Variants in EEF2K observed in about 807,000 individuals in gnomAD.
The protein encoded by EEF2K is eukaryotic elongation factor 2 kinase.
Under a neutral mutation model 93.8 loss-of-function variants are expected in EEF2K, and 70 were observed. That is an observed-to-expected ratio of 0.75 (90% CI 0.62 to 0.91). The LOEUF (loss-of-function observed/expected upper bound fraction) is 0.91, where lower values mean the gene tolerates loss of function less well. Ranked by LOEUF, EEF2K falls within the 40% of genes least tolerant of loss-of-function variation. The probability of loss-of-function intolerance (pLI) is 0.00; values close to 1 mark genes in which losing one functional copy is unlikely to be tolerated. For synonymous variants in EEF2K, 376 were observed against 380.8 expected, an observed-to-expected ratio of 0.99 and a Z score of 0.15; for missense variants, 935 against 972.9, an observed-to-expected ratio of 0.96 and a Z score of 0.52.
At chr16:22,235,232 A>G (rs929035186) in intron 2 of EEF2K, among the ~76,000 whole-genome samples, 1 of 151,820 alleles carries the variant, frequency 6.6e-6, no homozygotes, top group African/African-American at 2.4e-5. Context: ...AAAAGTGCAG[A>G]TATTTTGCTA....
At chr16:22,265,464 C>T (rs1459843459) in intron 13 of EEF2K, among the ~76,000 whole-genome samples, 2 of 152,238 alleles carry the variant, frequency 1.3e-5, no homozygotes, top group Non-Finnish European at 2.9e-5. Context: ...TCAAATCCTA[C>T]CTGCTCTCCA....
Position 22,284,031 on chromosome 16 carries a change from C to A in EEF2K, c.*35C>A. ...TCACTGCCGGCTAGTCCCAAGCAAACGGGCTAGGAGGAAAGATTAAAAAAA... is the reference window on the plus strand; with the variant it reads ...TCACTGCCGGCTAGTCCCAAGCAAAAGGGCTAGGAGGAAAGATTAAAAAAA... On this transcript the variant is annotated 3_prime_UTR_variant, in exon 18 of 18. Transcript: ENST00000263026. 1 of 1,524,980 alleles carries A rather than the reference C, an allele frequency of 6.6e-7. No homozygotes were observed. Among genetic ancestry groups the A allele is most frequent in the Non-Finnish European group, 8.9e-7 (1 of 1,122,646 alleles). The allele number at this position is 1,524,980 out of a possible 1,614,324, so 94.5% of individuals were successfully genotyped here. A position where few individuals can be genotyped will look rare whatever the true frequency, so the allele number is the denominator to read the frequency against.
chr16:22,243,308 A>G (rs564497021), intron 2 of EEF2K, among the ~76,000 whole-genome samples: 3 of 147,198 alleles, frequency 2.0e-5, no homozygotes, highest in South Asian at 2.2e-4. Flanking sequence ...CTGGAGTGCA[A>G]TGGCACAATC....
chr16:22,271,244 A>G (rs566857711), intron 15 of EEF2K, among the ~76,000 whole-genome samples: 1 of 152,094 alleles, frequency 6.6e-6, no homozygotes, highest in South Asian at 2.1e-4. Context: ...TGCTGGGATT[A>G]CAGAGGTGAG....
At chr16:22,245,587 A>G (rs1023275638) in intron 3 of EEF2K, among the ~76,000 whole-genome samples, 2 of 152,030 alleles carry the variant, frequency 1.3e-5, no homozygotes, top group African/African-American at 4.8e-5. Flanking sequence ...ACCTCCAACT[A>G]GAGTTAAGAA....
At chr16:22,250,590 C>T (rs1057045470) in intron 4 of EEF2K, 64 bp from the exon 5 acceptor site, 1 of 1,607,242 alleles carries the variant, frequency 6.2e-7, no homozygotes, top group Admixed American at 1.7e-5. Flanking sequence ...GGAGCACCTC[C>T]TGTCTTAGGG....
At position 22,282,545 on chromosome 16, in the gene EEF2K, T is replaced by C. The variant is rs988116812; in HGVS notation, c.2069-1342T>C. On this transcript the variant is annotated intron_variant, in intron 17 of 17. Transcript: ENST00000263026. ...AGAGGTGGGACTGTTAAGAGGTGAT[T>C]AATGTTGTTATCATGCAGATTGGTC... 1.4e-4 allele frequency among the ~76,000 whole-genome samples: 21 copies of C among 152,316 alleles called. 1 individual carries two copies. In the East Asian group the frequency reaches 1.9e-3, roughly 14 times the overall value.
At chr16:22,251,345 C>T in intron 6 of EEF2K, 23 bp downstream of exon 6, 2 of 1,612,452 alleles carry the variant, frequency 1.2e-6, no homozygotes. Context: ...ACTACCTGCC[C>T]CCTTTCCATG....
At chr16:22,229,094 G>A (rs1191894840) in intron 2 of EEF2K, among the ~76,000 whole-genome samples, 2 of 151,972 alleles carry the variant, frequency 1.3e-5, no homozygotes, top group African/African-American at 2.4e-5. Context: ...AGCCGAGATC[G>A]CACCACTGCA....
intron 2 of EEF2K, among the ~76,000 whole-genome samples, chr16:22,226,325 C>CTTTTTT (rs935058417): frequency 9.4e-5 from 6 of 63,644 alleles, no homozygotes; most frequent in East Asian, 4.3e-4. Flanking sequence ...AGGTGCTGTT[C>CTTTTTT]TTTTTTTTTT....
chr16:22,273,250 A>G (rs924469960), intron 15 of EEF2K, among the ~76,000 whole-genome samples: 2 of 152,208 alleles, frequency 1.3e-5, no homozygotes, highest in African/African-American at 4.8e-5. Context: ...TTTTAATTGC[A>G]TGCATATTAA....
At position 22,218,880 on chromosome 16, in the gene EEF2K, C is replaced by T. The variant is rs189380239; in HGVS notation, c.-76-6774C>T. ...TGGCTCATGCCTTTAATCCCCAGCA[C>T]GTTGGAAGGCCGAAGAGGGTGGATC... On this transcript the variant is annotated intron_variant, in intron 1 of 17. Transcript: ENST00000263026. Among the ~76,000 whole-genome samples the T allele has an allele frequency of 1.7e-3, 239 of 144,798 alleles. 1 individual carries two copies. The highest frequency in any genetic ancestry group is 3.1e-3 in the Non-Finnish European group (210 of 66,974). 95.0% of individuals were successfully genotyped at this position (144,798 alleles called of 152,430 possible). A position where few individuals can be genotyped will look rare whatever the true frequency, so the allele number is the denominator to read the frequency against.
At chr16:22,228,921 T>A (rs546887719) in intron 2 of EEF2K, among the ~76,000 whole-genome samples, 8 of 152,344 alleles carry the variant, frequency 5.3e-5, no homozygotes, top group Admixed American at 2.0e-4. Context: ...AACTTCTAAA[T>A]AACCTATACT....
chr16:22,225,606 C>T (rs1463973442), intron 1 of EEF2K, 48 bp from the exon 2 acceptor site: 2 of 1,451,232 alleles, frequency 1.4e-6, no homozygotes, highest in Non-Finnish European at 1.8e-6. Context: ...GGCGAATTCG[C>T]AGCCCTGGGC....
At chr16:22,270,912 C>CTA (rs935779969) in intron 15 of EEF2K, among the ~76,000 whole-genome samples, 19 of 149,790 alleles carry the variant, frequency 1.3e-4, no homozygotes, top group Non-Finnish European at 2.1e-4. Context: ...ATCTCTCTCT[C>CTA]TATATATATG....
intron 1 of EEF2K, 72 bp from the exon 2 acceptor site, chr16:22,225,582 T>C: frequency 8.1e-7 from 1 of 1,239,510 alleles, no homozygotes. Flanking sequence ...CTGCAGCATT[T>C]GGGGTGAGGG....
chr16:22,207,797 GAGTAAATGGGAATAC>G (rs1408079989), intron 1 of EEF2K, among the ~76,000 whole-genome samples: 1 of 152,152 alleles, frequency 6.6e-6, no homozygotes, highest in African/African-American at 2.4e-5. Flanking sequence ...AAGCGAGATG[GAGTAAATGGGAATAC>G]AGAGCAAGCA....
intron 2 of EEF2K, among the ~76,000 whole-genome samples, chr16:22,226,684 TA>T (rs1308787966): frequency 6.6e-6 from 1 of 152,052 alleles, no homozygotes; most frequent in African/African-American, 2.4e-5. Flanking sequence ...CCCGGCTCAT[TA>T]AAAAAATTTT....
At chr16:22,235,296 C>T (rs1352426214) in intron 2 of EEF2K, among the ~76,000 whole-genome samples, 2 of 151,928 alleles carry the variant, frequency 1.3e-5, no homozygotes. Context: ...TAAATATACA[C>T]AAATATGGAC....
Sources: gnomAD v4.1 joint callset for allele counts (sites outside exome capture counted in the v4.1 genomes callset) on GRCh38, gnomAD v4.1.1 for gene constraint, MANE v1.5 for transcripts, NCBI Gene and HGNC (gene_info 2026-07-23, HGNC 2026-07-21) for gene names.